Variants in FBN3 observed in about 807,000 individuals in gnomAD.
The protein encoded by FBN3 is fibrillin-3.
FBN3 carries 234 observed loss-of-function variants against 330.1 expected under a neutral mutation model. The ratio of observed to expected loss-of-function variants is 0.71; its 90% CI spans 0.64 to 0.79. The LOEUF is 0.79. Among genes scored for constraint, FBN3 ranks in the 30% least tolerant of loss-of-function variants. The probability of loss-of-function intolerance (pLI) is 0.00; values close to 1 mark genes in which losing one functional copy is unlikely to be tolerated. For missense variants in FBN3, 3,606 were observed against 3,886.9 expected, an observed-to-expected ratio of 0.93 and a Z score of 1.92; for synonymous variants, 1,458 against 1,517.3, an observed-to-expected ratio of 0.96 and a Z score of 0.91.
At chr19:8,090,020 C>A in intron 49 of FBN3, 61 bp from the exon 50 acceptor site, 1 of 1,598,834 alleles carries the variant, frequency 6.3e-7, no homozygotes, top group African/African-American at 1.3e-5. Context: ...CAGGTGTGTG[C>A]AGGGAAGGAT....
Position 8,066,012 on chromosome 19 carries a change from G to T in FBN3, c.8337C>A (p.Ser2779Arg). 1 of 1,612,976 alleles carries T rather than the reference G, an allele frequency of 6.2e-7. No homozygotes were observed. Reference sequence around the variant, plus strand: ...GGACACCCCAGGGTCCTGCCATGTGGCTCACCACCTCCAGCCGGTAGGTTC... The same window carrying T: ...GGACACCCCAGGGTCCTGCCATGTGTCTCACCACCTCCAGCCGGTAGGTTC... ...GPGTYRLEVV[S>R]HMAGPWGVQP... Residue 2779 changes from serine to arginine, a missense_variant, in exon 64 of 64, where the codon AGC becomes AGA. Physicochemically the swap from Ser to Arg is moderately radical, Grantham distance 110. Transcript: ENST00000600128.
intron 47 of FBN3, 116 bp downstream of exon 47, chr19:8,094,330 G>A (rs778118206): frequency 1.4e-4 from 156 of 1,099,992 alleles, no homozygotes; most frequent in South Asian, 1.7e-4. Flanking sequence ...TGTGTTTGAC[G>A]CTGCGTTAAG....
chr19:8,130,079 G>A lies in FBN3; in HGVS notation c.2045-714C>T, dbSNP rs191924433. 9.4e-3 allele frequency among the ~76,000 whole-genome samples: 1,426 copies of A among 151,998 alleles called. 22 individuals are homozygous for A. The highest frequency in any genetic ancestry group is 0.031 in the African/African-American group (1,301 of 41,480). On this transcript the variant is annotated intron_variant, in intron 16 of 63. Coordinates refer to ENST00000600128, the MANE Select transcript of FBN3 (RefSeq NM_032447.5). ...CGGCTGGCTAATTTTTCTATTTTTA[G>A]TAGAGATGGGGTTTCACCATGTTGG...
chr19:8,147,956 G>C (rs1026463683), intron 1 of FBN3, among the ~76,000 whole-genome samples: 1 of 152,234 alleles, frequency 6.6e-6, no homozygotes, highest in South Asian at 2.1e-4. Context: ...GTGTCAGAAG[G>C]CTGGGGGCTG....
chr19:8,066,070 G>T lies in FBN3; in HGVS notation c.8279C>A (p.Ser2760Tyr). 3.7e-6 allele frequency: 6 copies of T among 1,613,414 alleles called. No homozygotes were observed. Among genetic ancestry groups the T allele is most frequent in the Non-Finnish European group, 5.1e-6 (6 of 1,179,982 alleles). The change falls in exon 64 of 64, where the codon TCC (serine) becomes TAC (tyrosine). Residue 2760 changes from serine to tyrosine, a missense_variant. Ser to Tyr is a moderately radical substitution (Grantham distance 144, BLOSUM62 -2). Transcript: ENST00000600128. Reference protein sequence around the residue: ...FRMHHLRGVSSLQLGRRRPGP... With the variant: ...FRMHHLRGVSYLQLGRRRPGP... ...CGGCCGCCTCCGCCCCAGCTGCAGGGAGCTGACGCCACGGAGGTGATGCAT... is the reference window on the plus strand; with the variant it reads ...CGGCCGCCTCCGCCCCAGCTGCAGGTAGCTGACGCCACGGAGGTGATGCAT...
chr19:8,082,098 G>A (rs994630186), intron 57 of FBN3, among the ~76,000 whole-genome samples: 1 of 151,872 alleles, frequency 6.6e-6, no homozygotes, highest in African/African-American at 2.4e-5. Flanking sequence ...CAAGCAGCTG[G>A]GATTACAGGC....
intron 8 of FBN3, among the ~76,000 whole-genome samples, chr19:8,139,625 A>G (rs2083366687): frequency 6.6e-6 from 1 of 151,712 alleles, no homozygotes; most frequent in Non-Finnish European, 1.5e-5. Context: ...GAGGGGCCCC[A>G]AGGAGTCGAG....
At chr19:8,071,443 C>T (rs1205371163) in intron 63 of FBN3, among the ~76,000 whole-genome samples, 1 of 152,096 alleles carries the variant, frequency 6.6e-6, no homozygotes, top group African/African-American at 2.4e-5. Flanking sequence ...CCCTGGGGCT[C>T]CTAAGGGGAG....
chr19:8,135,621 G>A (rs928179415), intron 13 of FBN3, among the ~76,000 whole-genome samples: 5 of 150,934 alleles, frequency 3.3e-5, no homozygotes, highest in South Asian at 2.1e-4. Context: ...GCAGGGGCAC[G>A]ATCACAGCTC....
intron 62 of FBN3, among the ~76,000 whole-genome samples, 199 bp from the exon 63 acceptor site, chr19:8,072,397 G>C (rs2081535863): frequency 6.6e-6 from 1 of 152,192 alleles, no homozygotes; most frequent in Non-Finnish European, 1.5e-5. Context: ...TGTGTCCCTT[G>C]GTTCATTTGG....
chr19:8,138,362 C>T lies in FBN3; in HGVS notation c.1019-39G>A, dbSNP rs542414434. On this transcript the variant is annotated intron_variant, in intron 9 of 63. Coordinates refer to ENST00000600128, the MANE Select transcript of FBN3 (RefSeq NM_032447.5). ...GGGTTGAGGCCAGGCCCTTGGCCCT[C>T]CCCTGTCCCCTCCTCACCCACAGCC... The T allele has an allele frequency of 5.0e-6, 8 of 1,610,586 alleles. No homozygotes were observed. The South Asian group carries it at 5.5e-5, about 11-fold the overall frequency.
At chr19:8,078,657 C>A (rs2081699767) in intron 59 of FBN3, among the ~76,000 whole-genome samples, 1 of 151,986 alleles carries the variant, frequency 6.6e-6, no homozygotes, top group Non-Finnish European at 1.5e-5. Flanking sequence ...TGAAGCAATC[C>A]TCCTGCCTCA....
intron 14 of FBN3, 63 bp downstream of exon 14, chr19:8,132,921 G>A: frequency 5.4e-6 from 8 of 1,470,538 alleles, no homozygotes; most frequent in South Asian, 1.3e-5. Context: ...CCTCTTCCTC[G>A]CCGTCCCTCT....
chr19:8,105,141 G>C (rs890537649), intron 38 of FBN3, among the ~76,000 whole-genome samples: 3 of 151,814 alleles, frequency 2.0e-5, no homozygotes, highest in Admixed American at 2.0e-4. Context: ...TTTTAGTAGA[G>C]ATGGGGTTTC....
rs751437457 is a variant in FBN3 at position 8,121,280 on chromosome 19, G to A, written c.3189C>T (p.Phe1063=). ...CECFPGYESG[F]MLMKNCMDVD... is the part of the protein sequence containing the mutation. ...GACCCATGCAGTTCTTCATCAGCATGAAGCCACTCTCGTAGCCGGGAAAAC... is the reference window on the plus strand; with the variant it reads ...GACCCATGCAGTTCTTCATCAGCATAAAGCCACTCTCGTAGCCGGGAAAAC... Residue 1063 remains phenylalanine (F), a synonymous_variant, in exon 25 of 64, where the codon TTC becomes TTT. Transcript: ENST00000600128. This position sits in a 1 kb window ranked among gnomAD's most constrained non-coding sequence, Gnocchi z 4.5. 6.2e-7 allele frequency: 1 copy of A among 1,610,730 alleles called. No individual in the cohort carries two copies. The highest frequency in any genetic ancestry group is 8.5e-7 in the Non-Finnish European group (1 of 1,178,212).
In FBN3 at chr19:8,116,711, A is replaced by G. The variant is rs2082713303; in HGVS notation, c.3675T>C (p.Asp1225=). Residue 1225 remains aspartate (D), a synonymous_variant, in exon 29 of 64, where the codon GAT becomes GAC. Coordinates refer to ENST00000600128, the MANE Select transcript of FBN3 (RefSeq NM_032447.5). ...MPGGHRCLCY[D]GFMATPDMRT... ...TCATGTCTGGCGTGGCCATGAAGCC[A>G]TCATAGCACAGGCAGCGGTGACCCC... 3 of 1,610,688 alleles carry G rather than the reference A, an allele frequency of 1.9e-6. No individual in the cohort carries two copies. The highest frequency in any genetic ancestry group is 2.5e-6 in the Non-Finnish European group (3 of 1,178,274).
chr19:8,135,936 G>GGGGGGGGGGGGGGCCCCCCCCCCCC, intron 13 of FBN3, 25 bp downstream of exon 13: 40 of 668,674 alleles, frequency 6.0e-5, no homozygotes, highest in Middle Eastern at 4.8e-4. Context: ...GGAAGCCCCT[G>GGGGGGGGGGGGGGCCCCCCCCCCCC]CCCACCCGCC....
intron 3 of FBN3, 143 bp downstream of exon 3, chr19:8,146,961 G>A (rs2083560434): frequency 1.4e-6 from 1 of 723,614 alleles, no homozygotes; most frequent in Non-Finnish European, 2.3e-6. Flanking sequence ...GAACCCTGAG[G>A]ACAGACGCAG....
At chr19:8,071,751 C>G (rs1011840226) in intron 63 of FBN3, among the ~76,000 whole-genome samples, 4 of 152,046 alleles carry the variant, frequency 2.6e-5, no homozygotes, top group African/African-American at 9.7e-5. Flanking sequence ...ATAAAAGGGA[C>G]CCATAGAAAG....
Sources: gnomAD v4.1 joint callset for allele counts (sites outside exome capture counted in the v4.1 genomes callset) on GRCh38, gnomAD v4.1.1 for gene constraint, Gnocchi (gnomAD v3.1) non-coding constraint, MANE v1.5 for transcripts, NCBI Gene and HGNC (gene_info 2026-07-23, HGNC 2026-07-21) for gene names.